KIAA0319: variants seen among roughly 807,000 people sequenced by gnomAD.
KIAA0319 encodes dyslexia-associated protein KIAA0319.
KIAA0319 carries 83 observed loss-of-function variants against 108.4 expected under a neutral mutation model. That is an observed-to-expected ratio of 0.77 (90% CI 0.64 to 0.92). The LOEUF (loss-of-function observed/expected upper bound fraction) is 0.92, where lower values mean the gene tolerates loss of function less well. KIAA0319 is among the 40% of genes least tolerant of loss of function. The pLI is 0.00. For missense variants in KIAA0319, 1,195 were observed against 1,322.4 expected, an observed-to-expected ratio of 0.90 and a Z score of 1.49; for synonymous variants, 484 against 510.4, an observed-to-expected ratio of 0.95 and a Z score of 0.70.
intron 4 of KIAA0319, among the ~76,000 whole-genome samples, chr6:24,586,730 G>GT (rs201398576): frequency 0.013 from 1,882 of 149,190 alleles, 24 homozygotes; most frequent in Non-Finnish European, 0.019. Flanking sequence ...TTATAAACTT[G>GT]TTTTTTTTTT....
chr6:24,578,776 T>G (rs1346261882), intron 8 of KIAA0319, among the ~76,000 whole-genome samples: 2 of 152,212 alleles, frequency 1.3e-5, no homozygotes, highest in Non-Finnish European at 2.9e-5. Context: ...TCATAGAAAT[T>G]TAGACCTGGA....
chr6:24,583,847 C>T (rs531321022), intron 4 of KIAA0319, 145 bp from the exon 5 acceptor site: 77 of 608,232 alleles, frequency 1.3e-4, no homozygotes, highest in Non-Finnish European at 2.0e-4. Flanking sequence ...AGCTAAGGCA[C>T]GTTTTTCCTC....
At chr6:24,626,945 G>T (rs1228262542) in intron 1 of KIAA0319, among the ~76,000 whole-genome samples, 1 of 152,112 alleles carries the variant, frequency 6.6e-6, no homozygotes, top group African/African-American at 2.4e-5. Flanking sequence ...TACAGAAATG[G>T]CAAGTTAAGA....
At chr6:24,574,902 T>C (rs1452418335) in intron 10 of KIAA0319, among the ~76,000 whole-genome samples, 1 of 152,218 alleles carries the variant, frequency 6.6e-6, no homozygotes, top group East Asian at 1.9e-4. Flanking sequence ...GCCTCCAAAT[T>C]GATCTGGTAC....
intron 1 of KIAA0319, among the ~76,000 whole-genome samples, chr6:24,624,284 A>G (rs976104258): frequency 5.5e-5 from 8 of 145,178 alleles, no homozygotes; most frequent in Non-Finnish European, 1.2e-4. Flanking sequence ...CCAAATGACC[A>G]TCTACCTCGG....
intron 1 of KIAA0319, among the ~76,000 whole-genome samples, chr6:24,616,729 C>A (rs1773207615): frequency 6.6e-6 from 1 of 152,154 alleles, no homozygotes; most frequent in Admixed American, 6.5e-5. Flanking sequence ...TTATTTTCTA[C>A]AGGGTTTACT....
chr6:24,542,152 T>C (rs1261795282), downstream of KIAA0319, among the ~76,000 whole-genome samples: 1 of 151,984 alleles, frequency 6.6e-6, no homozygotes, highest in Non-Finnish European at 1.5e-5. Flanking sequence ...AAAAATAAAA[T>C]AAAAATTCCT....
intron 14 of KIAA0319, 53 bp from the exon 15 acceptor site, chr6:24,564,393 C>T (rs1269761233): frequency 1.4e-5 from 22 of 1,609,352 alleles, no homozygotes; most frequent in Non-Finnish European, 1.9e-5. Flanking sequence ...GTCCCAATTT[C>T]TGGGCTTCTG....
chr6:24,560,509 T>G (rs890057971), intron 16 of KIAA0319, among the ~76,000 whole-genome samples: 1 of 152,180 alleles, frequency 6.6e-6, no homozygotes, highest in African/African-American at 2.4e-5. Context: ...TTTGGAGAAA[T>G]AGCTACTCCA....
At chr6:24,582,470 CTTTCT>C (rs145778003) in intron 5 of KIAA0319, 124 bp from the exon 6 acceptor site, 71,147 of 393,400 alleles carry the variant, frequency 0.18, 6,878 homozygotes, top group East Asian at 0.47. Context: ...CTCAACTCAG[CTTTCT>C]TTTTTTTTTT....
intron 1 of KIAA0319, among the ~76,000 whole-genome samples, chr6:24,644,179 C>T (rs1262612990): frequency 6.6e-6 from 1 of 152,104 alleles, no homozygotes; most frequent in East Asian, 1.9e-4. Flanking sequence ...ACATGGTCCC[C>T]GTCTGAGTGA....
At chr6:24,602,290 G>A (rs1017345520) in intron 1 of KIAA0319, among the ~76,000 whole-genome samples, 5 of 152,176 alleles carry the variant, frequency 3.3e-5, no homozygotes, top group Admixed American at 2.0e-4. Flanking sequence ...GATTACAGGC[G>A]TGAGCCATCA....
At chr6:24,595,316 G>C (rs1274578947) in intron 3 of KIAA0319, among the ~76,000 whole-genome samples, 1 of 151,420 alleles carries the variant, frequency 6.6e-6, no homozygotes, top group Admixed American at 6.6e-5. Context: ...GGAGGCCAAG[G>C]TGGGTGGATC....
chr6:24,595,353 T>C (rs1769312345), intron 3 of KIAA0319, among the ~76,000 whole-genome samples: 1 of 152,032 alleles, frequency 6.6e-6, no homozygotes, highest in Admixed American at 6.6e-5. Flanking sequence ...TAGACCATCC[T>C]GGCTAACATG....
intron 1 of KIAA0319, among the ~76,000 whole-genome samples, chr6:24,623,053 A>G (rs542462198): frequency 6.6e-6 from 1 of 152,122 alleles, no homozygotes; most frequent in East Asian, 1.9e-4. Flanking sequence ...AAAGAAAAAA[A>G]AAAGAGAGAG....
chr6:24,591,868 C>T (rs1200402413), intron 3 of KIAA0319, among the ~76,000 whole-genome samples: 1 of 151,960 alleles, frequency 6.6e-6, no homozygotes, highest in African/African-American at 2.4e-5. Flanking sequence ...AGATCCTTTG[C>T]CCATGTTTGA....
At chr6:24,565,482 C>T (rs1219045060) in intron 14 of KIAA0319, among the ~76,000 whole-genome samples, 2 of 150,696 alleles carry the variant, frequency 1.3e-5, no homozygotes, top group East Asian at 2.0e-4. Context: ...AGGCTGGGCG[C>T]GGTGGCTCAC....
intron 1 of KIAA0319, among the ~76,000 whole-genome samples, chr6:24,615,796 C>A (rs963067246): frequency 2.6e-5 from 4 of 152,160 alleles, no homozygotes; most frequent in African/African-American, 7.2e-5. Context: ...TTCTCTTTTG[C>A]ATCTTACTAT....
intron 1 of KIAA0319, among the ~76,000 whole-genome samples, chr6:24,643,151 C>T (rs1777181863): frequency 1.3e-5 from 2 of 152,196 alleles, no homozygotes. Flanking sequence ...AGCAGCTCTA[C>T]TTTAAAACTT....
Sources: allele counts gnomAD v4.1 joint callset (sites outside exome capture counted in the v4.1 genomes callset), GRCh38; gene constraint gnomAD v4.1.1; transcripts MANE v1.5; gene names NCBI Gene and HGNC (gene_info 2026-07-23, HGNC 2026-07-21).